BMPER: variants seen among roughly 807,000 people sequenced by gnomAD.
BMPER encodes BMP binding endothelial regulator.
In BMPER, 45 loss-of-function variants were observed where a neutral mutation model predicts 87.3. The observed-to-expected ratio is 0.52, with a 90% CI of 0.41 to 0.66. The LOEUF (loss-of-function observed/expected upper bound fraction) is 0.66. Among genes scored for constraint, BMPER ranks in the 30% least tolerant of loss-of-function variants. BMPER has a pLI of 0.00. For synonymous variants in BMPER, 326 were observed against 316.2 expected, an observed-to-expected ratio of 1.03 and a Z score of -0.33; for missense variants, 784 against 867.5, an observed-to-expected ratio of 0.90 and a Z score of 1.21.
At chr7:34,076,201 C>T (rs1477778567) in intron 11 of BMPER, among the ~76,000 whole-genome samples, 3 of 152,138 alleles carry the variant, frequency 2.0e-5, no homozygotes, top group African/African-American at 7.2e-5. Flanking sequence ...CTCAGGCTTC[C>T]CCAGAGTCAC....
At chr7:33,950,990 C>G (rs984347021) in intron 3 of BMPER, among the ~76,000 whole-genome samples, 5 of 152,004 alleles carry the variant, frequency 3.3e-5, no homozygotes, top group Admixed American at 2.6e-4. Context: ...CCAAGCCCTG[C>G]AAGATCTGGG....
intron 13 of BMPER, among the ~76,000 whole-genome samples, chr7:34,105,102 T>C (rs1299023873): frequency 6.6e-6 from 1 of 152,210 alleles, no homozygotes; most frequent in Non-Finnish European, 1.5e-5. Flanking sequence ...AGGCAAGTGA[T>C]GCTGTATACC....
intron 13 of BMPER, among the ~76,000 whole-genome samples, chr7:34,111,969 C>T (rs1789977541): frequency 6.6e-6 from 1 of 152,006 alleles, no homozygotes; most frequent in Admixed American, 6.6e-5. Flanking sequence ...GCCTCGGCCT[C>T]CCAAAGTGCT....
chr7:34,024,394 T>C (rs1420426422), intron 6 of BMPER, among the ~76,000 whole-genome samples: 3 of 10,662 alleles, frequency 2.8e-4, no homozygotes, highest in African/African-American at 1.4e-3. Flanking sequence ...AATATATATA[T>C]ATATATATAT....
intron 6 of BMPER, among the ~76,000 whole-genome samples, chr7:34,020,600 A>G (rs1026910381): frequency 1.1e-4 from 17 of 151,938 alleles, no homozygotes; most frequent in Non-Finnish European, 2.9e-5. Context: ...TGTGCTTCTA[A>G]TGTACATGGT....
At chr7:34,109,327 G>A (rs1789902201) in intron 13 of BMPER, among the ~76,000 whole-genome samples, 3 of 152,128 alleles carry the variant, frequency 2.0e-5, no homozygotes, top group Admixed American at 2.0e-4. Context: ...GTCTTTAATT[G>A]ACTGTATGAG....
intron 6 of BMPER, among the ~76,000 whole-genome samples, chr7:33,996,074 C>T (rs916632255): frequency 6.6e-6 from 1 of 152,208 alleles, no homozygotes; most frequent in African/African-American, 2.4e-5. Context: ...ATGGTTGCTG[C>T]AGCAAATAGG....
At chr7:34,023,979 A>G (rs1318367469) in intron 6 of BMPER, among the ~76,000 whole-genome samples, 2 of 152,036 alleles carry the variant, frequency 1.3e-5, no homozygotes, top group East Asian at 1.9e-4. Context: ...CTTGATTCCA[A>G]TGGTTATTTT....
intron 6 of BMPER, among the ~76,000 whole-genome samples, chr7:34,039,197 G>A (rs866057229): frequency 6.6e-6 from 1 of 152,162 alleles, no homozygotes; most frequent in East Asian, 1.9e-4. Context: ...GCTGCTGGGG[G>A]AATGAATAAG....
At chr7:34,078,768 G>A in intron 11 of BMPER, 89 bp from the exon 12 acceptor site, 2 of 1,372,100 alleles carry the variant, frequency 1.5e-6, no homozygotes, top group Non-Finnish European at 2.1e-6. Context: ...TTCTGCTAAG[G>A]CTTCCCCTTA....
chr7:34,137,151 G>A (rs772832270), intron 13 of BMPER, among the ~76,000 whole-genome samples: 3 of 152,216 alleles, frequency 2.0e-5, no homozygotes, highest in Non-Finnish European at 4.4e-5. Flanking sequence ...TGTGGTTAAA[G>A]CAGAATCCTC....
chr7:33,934,757 C>T (rs193104851), intron 2 of BMPER, among the ~76,000 whole-genome samples: 1 of 152,228 alleles, frequency 6.6e-6, no homozygotes, highest in Non-Finnish European at 1.5e-5. Flanking sequence ...TTTGAACTCT[C>T]TGTATCTGAA....
At chr7:34,021,710 T>C (rs1216906692) in intron 6 of BMPER, among the ~76,000 whole-genome samples, 1 of 152,070 alleles carries the variant, frequency 6.6e-6, no homozygotes, top group Non-Finnish European at 1.5e-5. Context: ...GATAGAAACA[T>C]AAAGGATATC....
intron 6 of BMPER, among the ~76,000 whole-genome samples, chr7:33,993,801 A>G (rs921655367): frequency 2.8e-4 from 43 of 152,130 alleles, no homozygotes; most frequent in Admixed American, 9.8e-4. Flanking sequence ...GGTTTTTGGT[A>G]TGGATGTCCT....
At chr7:34,098,437 T>A (rs192591007) in intron 13 of BMPER, among the ~76,000 whole-genome samples, 4 of 152,270 alleles carry the variant, frequency 2.6e-5, no homozygotes, top group African/African-American at 7.2e-5. Flanking sequence ...GTCTGGTCAA[T>A]GGGCACAGAT....
intron 7 of BMPER, among the ~76,000 whole-genome samples, chr7:34,051,404 A>C (rs868646771): frequency 4.6e-5 from 7 of 152,124 alleles, no homozygotes; most frequent in African/African-American, 1.7e-4. Context: ...ATTTTTAGAT[A>C]ATTTTACTCA....
At chr7:33,923,153 C>T (rs575682602) in intron 2 of BMPER, among the ~76,000 whole-genome samples, 1 of 152,242 alleles carries the variant, frequency 6.6e-6, no homozygotes, top group Non-Finnish European at 1.5e-5. Context: ...TAGTTTTGAG[C>T]CACATTTTTT....
chr7:33,905,419 G>GGCC, upstream of BMPER: 1 of 110,388 alleles, frequency 9.1e-6, no homozygotes, highest in Non-Finnish European at 1.8e-5. Context: ...CTCCCCGGGC[G>GGCC]CCCCCACACC....
intron 9 of BMPER, among the ~76,000 whole-genome samples, chr7:34,056,237 G>A (rs1028918409): frequency 6.6e-6 from 1 of 152,146 alleles, no homozygotes; most frequent in East Asian, 1.9e-4. Flanking sequence ...GGGCCTGTTG[G>A]GGGGTAGGGT....
Sources: allele counts gnomAD v4.1 joint callset (sites outside exome capture counted in the v4.1 genomes callset), GRCh38; gene constraint gnomAD v4.1.1; transcripts MANE v1.5; gene names NCBI Gene and HGNC (gene_info 2026-07-23, HGNC 2026-07-21).